EPB41L1: variants seen among roughly 807,000 people sequenced by gnomAD.
EPB41L1 encodes erythrocyte membrane protein band 4.1 like 1.
Under a neutral mutation model 97.8 loss-of-function variants are expected in EPB41L1, and 29 were observed. The ratio of observed to expected loss-of-function variants is 0.30; its 90% CI spans 0.22 to 0.40. The LOEUF is 0.40. EPB41L1 is among the 10% of genes least tolerant of loss of function. EPB41L1 has a pLI of 1.00. For missense variants in EPB41L1, 812 were observed against 1,162.3 expected (o/e 0.70, Z 4.38); for synonymous variants, 383 against 459.2 (o/e 0.83, Z 2.12).
chr20:36,173,549 G>T (rs1424869844), intron 1 of EPB41L1, among the ~76,000 whole-genome samples: 1 of 152,154 alleles, frequency 6.6e-6, no homozygotes, highest in East Asian at 1.9e-4. Flanking sequence ...GACACAGGGT[G>T]GGAGGGGTGC....
chr20:36,123,712 G>A (rs1569063037), intron 2 of EPB41L1, among the ~76,000 whole-genome samples: 1 of 152,228 alleles, frequency 6.6e-6, no homozygotes, highest in Admixed American at 6.5e-5. Context: ...GATTATAGGA[G>A]TGAGCCACTG....
At chr20:36,191,160 A>C (rs530434524) in intron 11 of EPB41L1, among the ~76,000 whole-genome samples, 1 of 151,852 alleles carries the variant, frequency 6.6e-6, no homozygotes, top group African/African-American at 2.4e-5. Flanking sequence ...TGCAGGTCTG[A>C]TTCACCCTCC....
At chr20:36,110,725 A>T (rs1178125896) in intron 1 of EPB41L1, 1 of 152,174 alleles carries the variant, frequency 6.6e-6, no homozygotes, top group African/African-American at 2.4e-5. Context: ...TTTGAAGACT[A>T]TCCACACATA....
chr20:36,188,916 A>G (rs2061819588), intron 9 of EPB41L1, among the ~76,000 whole-genome samples: 1 of 152,016 alleles, frequency 6.6e-6, no homozygotes, highest in African/African-American at 2.4e-5. Flanking sequence ...AAGAAGAAAT[A>G]TAACTACATA....
At chr20:36,097,808 G>T (rs1032594462) in intron 1 of EPB41L1, among the ~76,000 whole-genome samples, 10 of 152,234 alleles carry the variant, frequency 6.6e-5, no homozygotes, top group Non-Finnish European at 1.3e-4. Flanking sequence ...GTGGTGAGTG[G>T]CAGGGATGAG....
At chr20:36,109,886 T>A (rs1340276808) in intron 1 of EPB41L1, 1 of 152,006 alleles carries the variant, frequency 6.6e-6, no homozygotes, top group African/African-American at 2.4e-5. Flanking sequence ...ATCCAGAGCT[T>A]GTAAGCAATG....
chr20:36,207,863 A>G lies in EPB41L1; in HGVS notation c.1669-1625A>G. 8.4e-6 allele frequency: 10 copies of G among 1,195,454 alleles called. No individual in the cohort carries two copies. The highest frequency in any genetic ancestry group is 1.1e-5 in the Non-Finnish European group (10 of 938,166). The allele number at this position is 1,195,454 out of a possible 1,614,324, so 74.1% of individuals were successfully genotyped here. Reference sequence around the variant, plus strand: ...CGCATGCTCTGTAGTTTTTAGAAGCATGTTTCAGTGGCCCCTCGTCATTTC... The same window carrying G: ...CGCATGCTCTGTAGTTTTTAGAAGCGTGTTTCAGTGGCCCCTCGTCATTTC... On this transcript the variant is annotated intron_variant, in intron 14 of 21. Transcript: ENST00000338074. This position sits in a 1 kb window ranked among gnomAD's most constrained non-coding sequence, Gnocchi z 4.9.
At chr20:36,100,982 G>C (rs2057996691) in intron 1 of EPB41L1, among the ~76,000 whole-genome samples, 1 of 152,044 alleles carries the variant, frequency 6.6e-6, no homozygotes. Flanking sequence ...GTGGTGACAG[G>C]GCCCATCTGA....
Position 36,185,107 on chromosome 20 carries a change from C to G in EPB41L1, c.567-10C>G. ...GCCCTGTGCCCATGCTGGCTCTCCC[C>G]TATCTCCAGATACTACCTGTGCCTG... On this transcript the variant is annotated splice_polypyrimidine_tract_variant and intron_variant, in intron 6 of 21. Coordinates refer to ENST00000338074, the MANE Select transcript of EPB41L1 (RefSeq NM_012156.2). 1 of 1,612,026 alleles carries G rather than the reference C, an allele frequency of 6.2e-7. No homozygotes were observed. The highest frequency in any genetic ancestry group is 8.5e-7 in the Non-Finnish European group (1 of 1,179,968).
At chr20:36,200,671 C>T (rs2062445621) in intron 14 of EPB41L1, among the ~76,000 whole-genome samples, 1 of 152,184 alleles carries the variant, frequency 6.6e-6, no homozygotes, top group Admixed American at 6.5e-5. Flanking sequence ...GGCAGTCCCT[C>T]CCGAGCTCAC....
intron 2 of EPB41L1, among the ~76,000 whole-genome samples, chr20:36,122,965 AGATGTCGATAG>A (rs1835782533): frequency 6.6e-6 from 1 of 151,960 alleles, no homozygotes; most frequent in Non-Finnish European, 1.5e-5. Context: ...CGCTTCCTGG[AGATGTCGATAG>A]GATCAGCCAA....
At chr20:36,204,795 C>T (rs2062709500) in intron 14 of EPB41L1, among the ~76,000 whole-genome samples, 2 of 152,062 alleles carry the variant, frequency 1.3e-5, no homozygotes, top group South Asian at 4.1e-4. Flanking sequence ...GTGCATGCCA[C>T]CATGTCTGGC....
At position 36,222,406 on chromosome 20, in the gene EPB41L1, G is replaced by A. The variant is rs1258254670; in HGVS notation, c.2637+12G>A. On this transcript the variant is annotated intron_variant, in intron 21 of 21. Transcript: ENST00000338074. ...ACAAGAAGCCACAGGTAAGGCTCCT[G>A]AGGCCCAGCAACCATGAGAGAGAGG... 6.2e-7 allele frequency: 1 copy of A among 1,601,476 alleles called. No individual in the cohort carries two copies. The highest frequency in any genetic ancestry group is 1.7e-5 in the Admixed American group (1 of 60,014).
chr20:36,198,051 G>A lies in EPB41L1; in HGVS notation c.1668+10G>A, dbSNP rs368801264. On this transcript the variant is annotated intron_variant, in intron 14 of 21. Coordinates refer to ENST00000338074, the MANE Select transcript of EPB41L1 (RefSeq NM_012156.2). Reference sequence around the variant, plus strand: ...TGAGAAAGCCAATGAGGTAGGTGTCGCCCTGAACCCCTCGATAGGGGCCTT... The same window carrying A: ...TGAGAAAGCCAATGAGGTAGGTGTCACCCTGAACCCCTCGATAGGGGCCTT... 1.4e-4 allele frequency: 228 copies of A among 1,612,356 alleles called. No individual in the cohort carries two copies. The highest frequency in any genetic ancestry group is 1.7e-4 in the Middle Eastern group (1 of 5,906).
chr20:36,132,621 C>G (rs2059261304), intron 2 of EPB41L1, among the ~76,000 whole-genome samples: 1 of 149,932 alleles, frequency 6.7e-6, no homozygotes, highest in South Asian at 2.2e-4. Flanking sequence ...GCAAAGATCT[C>G]TCTGGATTAC....
Position 36,178,954 on chromosome 20 carries a change from G to A in EPB41L1, c.490+282G>A, listed in dbSNP as rs573886815. 1.1e-4 allele frequency among the ~76,000 whole-genome samples: 17 copies of A among 151,980 alleles called. No homozygotes were observed. The East Asian group carries it at 1.2e-3, about 10-fold the overall frequency. On this transcript the variant is annotated intron_variant, in intron 5 of 21. Transcript: ENST00000338074. ...CGGGTGCTTGTAATCCCAGCTACTC[G>A]GGAGGCTGAGGCACTGGGACTGCCT... is the stretch of plus-strand genomic sequence containing the variant.
At chr20:36,174,362 G>A (rs1398107640) in intron 2 of EPB41L1, among the ~76,000 whole-genome samples, 3 of 151,264 alleles carry the variant, frequency 2.0e-5, no homozygotes, top group Admixed American at 6.6e-5. Flanking sequence ...GACCTCTGCC[G>A]CCCGGGTTCA....
chr20:36,131,229 C>T (rs181418482), intron 2 of EPB41L1, among the ~76,000 whole-genome samples: 14 of 152,248 alleles, frequency 9.2e-5, no homozygotes, highest in Admixed American at 7.8e-4. Context: ...CCCGCCTCGG[C>T]CTCCCAAAGT....
At chr20:36,178,827 CG>C (rs2061359184) in intron 5 of EPB41L1, among the ~76,000 whole-genome samples, 155 bp downstream of exon 5, 1 of 151,942 alleles carries the variant, frequency 6.6e-6, no homozygotes, top group Admixed American at 6.6e-5. Flanking sequence ...GAGGCTAAGG[CG>C]GGTGGATCAC....
Sources: allele counts gnomAD v4.1 joint callset (sites outside exome capture counted in the v4.1 genomes callset), GRCh38; gene constraint gnomAD v4.1.1; non-coding constraint Gnocchi (gnomAD v3.1); transcripts MANE v1.5; gene names NCBI Gene and HGNC (gene_info 2026-07-23, HGNC 2026-07-21).